The following ATP8B1 variants were observed in gnomAD, a reference collection of about 807,000 sequenced individuals.
ATP8B1 encodes phospholipid-transporting ATPase IC.
Under a neutral mutation model 149.9 loss-of-function variants are expected in ATP8B1, and 80 were observed. The observed-to-expected ratio is 0.53, with a 90% CI of 0.45 to 0.64. The LOEUF is 0.64. ATP8B1 is among the 30% of genes least tolerant of loss of function. The pLI, the probability that ATP8B1 is intolerant of heterozygous loss-of-function variation, is 0.00. For synonymous variants in ATP8B1, 536 were observed against 562.8 expected (o/e 0.95, Z 0.67); for missense variants, 1,247 against 1,552.6 (o/e 0.80, Z 3.31).
intron 2 of ATP8B1, among the ~76,000 whole-genome samples, chr18:57,714,987 T>C (rs1431401945): frequency 6.6e-6 from 1 of 152,136 alleles, no homozygotes; most frequent in Non-Finnish European, 1.5e-5. Flanking sequence ...AACAAAACTA[T>C]ATGACCTTTC....
At chr18:57,696,612 G>A (rs1282201446) in intron 8 of ATP8B1, among the ~76,000 whole-genome samples, 4 of 150,864 alleles carry the variant, frequency 2.7e-5, no homozygotes, top group Non-Finnish European at 5.9e-5. Flanking sequence ...AGCAATGACA[G>A]CCCTAGTTTT....
At chr18:57,740,263 A>T (rs8098281) in intron 1 of ATP8B1, among the ~76,000 whole-genome samples, 18,459 of 149,052 alleles carry the variant, frequency 0.12, 1,303 homozygotes, top group South Asian at 0.26. Context: ...GTCCTTCATC[A>T]TTTTTTTTTA....
intron 2 of ATP8B1, among the ~76,000 whole-genome samples, chr18:57,728,992 T>C (rs2079734396): frequency 6.6e-6 from 1 of 152,022 alleles, no homozygotes; most frequent in South Asian, 2.1e-4. Flanking sequence ...AGTGCTGGGA[T>C]TACAGGCATG....
chr18:57,749,347 T>A (rs2079994616), intron 1 of ATP8B1, among the ~76,000 whole-genome samples: 1 of 80,712 alleles, frequency 1.2e-5, no homozygotes, highest in Non-Finnish European at 2.4e-5. Flanking sequence ...AATGTTTGCA[T>A]ATTTTTTGCT....
At chr18:57,785,460 A>G (rs1253721541) in intron 1 of ATP8B1, among the ~76,000 whole-genome samples, 1 of 152,244 alleles carries the variant, frequency 6.6e-6, no homozygotes, top group Admixed American at 6.5e-5. Flanking sequence ...AAGTTAGTGC[A>G]AAAATCTTTA....
intron 24 of ATP8B1, 111 bp from the exon 25 acceptor site, chr18:57,652,840 A>G (rs1909715766): frequency 7.3e-7 from 1 of 1,372,642 alleles, no homozygotes; most frequent in Admixed American, 1.7e-5. Flanking sequence ...AATTTTAGGA[A>G]GGCAAAAACT....
chr18:57,788,767 A>G (rs1196604256), intron 1 of ATP8B1, among the ~76,000 whole-genome samples: 1 of 152,174 alleles, frequency 6.6e-6, no homozygotes, highest in African/African-American at 2.4e-5. Flanking sequence ...TGCTTTAAAA[A>G]TGTAAAGAAT....
intron 3 of ATP8B1, among the ~76,000 whole-genome samples, chr18:57,705,883 C>T (rs11664134): frequency 0.074 from 11,330 of 152,122 alleles, 625 homozygotes; most frequent in Middle Eastern, 0.18. Flanking sequence ...ATTATTGAGA[C>T]AGAGTCTCAC....
intron 2 of ATP8B1, among the ~76,000 whole-genome samples, chr18:57,729,017 G>T (rs969137826): frequency 2.0e-5 from 3 of 152,032 alleles, no homozygotes; most frequent in Admixed American, 2.0e-4. Flanking sequence ...GCCGCACCCG[G>T]CCAAGACTGA....
chr18:57,661,070 C>G, intron 22 of ATP8B1, 104 bp downstream of exon 22: 3 of 1,438,734 alleles, frequency 2.1e-6, no homozygotes, highest in Non-Finnish European at 2.8e-6. Context: ...TCTATGAAAA[C>G]CTAAGCTGTA....
At chr18:57,659,734 A>G (rs1910270141) in intron 22 of ATP8B1, 2 of 152,064 alleles carry the variant, frequency 1.3e-5, no homozygotes, top group South Asian at 4.1e-4. Flanking sequence ...AGAAGGCAAG[A>G]TGACATACGT....
intron 1 of ATP8B1, among the ~76,000 whole-genome samples, chr18:57,764,150 G>T (rs2080184077): frequency 6.6e-6 from 1 of 152,078 alleles, no homozygotes; most frequent in South Asian, 2.1e-4. Flanking sequence ...CCTTCCCCAC[G>T]ATCCATCTGG....
At chr18:57,666,385 C>T (rs1211183536) in intron 20 of ATP8B1, among the ~76,000 whole-genome samples, 1 of 152,068 alleles carries the variant, frequency 6.6e-6, no homozygotes, top group African/African-American at 2.4e-5. Flanking sequence ...CATTTCCTTC[C>T]CGCAAAAGTT....
chr18:57,708,290 C>T (rs987480869), intron 2 of ATP8B1, among the ~76,000 whole-genome samples: 11 of 151,788 alleles, frequency 7.2e-5, no homozygotes, highest in South Asian at 2.1e-4. Flanking sequence ...TGCCTTTCAT[C>T]GGGTAATCAT....
At chr18:57,714,522 C>G (rs1455251400) in intron 2 of ATP8B1, among the ~76,000 whole-genome samples, 1 of 148,764 alleles carries the variant, frequency 6.7e-6, no homozygotes, top group Non-Finnish European at 1.5e-5. Flanking sequence ...GTGCTTGTAT[C>G]TCCACCCCCC....
At chr18:57,710,211 C>T (rs962413542) in intron 2 of ATP8B1, among the ~76,000 whole-genome samples, 1 of 152,148 alleles carries the variant, frequency 6.6e-6, no homozygotes, top group African/African-American at 2.4e-5. Context: ...AATGCACCTT[C>T]ACCATATGGC....
intron 6 of ATP8B1, among the ~76,000 whole-genome samples, chr18:57,698,617 G>A (rs1397055404): frequency 1.3e-5 from 2 of 152,350 alleles, no homozygotes; most frequent in African/African-American, 2.4e-5. Context: ...TTATAGGCAT[G>A]AGCCACCTCA....
intron 1 of ATP8B1, among the ~76,000 whole-genome samples, chr18:57,790,566 C>A (rs111608021): frequency 0.022 from 3,350 of 152,070 alleles, 127 homozygotes; most frequent in African/African-American, 0.076. Context: ...ACATGCGGTT[C>A]CCATTGACTG....
intron 1 of ATP8B1, among the ~76,000 whole-genome samples, chr18:57,773,007 C>T (rs148818266): frequency 4.1e-4 from 63 of 151,992 alleles, no homozygotes; most frequent in African/African-American, 1.5e-3. Context: ...TCCAACACTA[C>T]GGGAGGCAGA....
Sources: allele counts gnomAD v4.1 joint callset (sites outside exome capture counted in the v4.1 genomes callset), GRCh38; gene constraint gnomAD v4.1.1; transcripts MANE v1.5; gene names NCBI Gene and HGNC (gene_info 2026-07-23, HGNC 2026-07-21).